PAPPA2: variants seen among roughly 807,000 people sequenced by gnomAD.
PAPPA2 encodes pappalysin 2.
Under a neutral mutation model 176.4 loss-of-function variants are expected in PAPPA2, and 86 were observed. The observed-to-expected ratio is 0.49, with a 90% CI of 0.41 to 0.58. The LOEUF is 0.58. Ranked by LOEUF, PAPPA2 falls within the 20% of genes least tolerant of loss-of-function variation. PAPPA2 has a pLI of 0.00. For missense variants in PAPPA2, 2,073 were observed against 2,256.9 expected, an observed-to-expected ratio of 0.92 and a Z score of 1.65; for synonymous variants, 809 against 852.2, an observed-to-expected ratio of 0.95 and a Z score of 0.88.
chr1:176,775,865 T>C (rs1465010353), intron 17 of PAPPA2, among the ~76,000 whole-genome samples: 1 of 152,202 alleles, frequency 6.6e-6, no homozygotes, highest in Non-Finnish European at 1.5e-5. Flanking sequence ...AAAATTTTTG[T>C]AGCAACACTT....
chr1:176,604,852 G>A (rs928895824), intron 3 of PAPPA2, among the ~76,000 whole-genome samples: 2 of 152,176 alleles, frequency 1.3e-5, no homozygotes, highest in South Asian at 2.1e-4. Flanking sequence ...ACAATGTAGG[G>A]CAAGGGTTTT....
intron 4 of PAPPA2, among the ~76,000 whole-genome samples, chr1:176,680,476 CTT>C (rs1207648703): frequency 6.6e-6 from 1 of 152,120 alleles, no homozygotes; most frequent in Non-Finnish European, 1.5e-5. Context: ...TTAAACTAGA[CTT>C]TTTATTTTGA....
chr1:176,787,327 C>T (rs1240197186), intron 17 of PAPPA2, among the ~76,000 whole-genome samples: 1 of 151,990 alleles, frequency 6.6e-6, no homozygotes, highest in Non-Finnish European at 1.5e-5. Flanking sequence ...CTCAACTTCC[C>T]AGGCTCAAGC....
intron 20 of PAPPA2, among the ~76,000 whole-genome samples, chr1:176,799,444 A>G (rs1481842388): frequency 6.6e-6 from 1 of 152,158 alleles, no homozygotes; most frequent in Non-Finnish European, 1.5e-5. Context: ...TTTGAGTAGC[A>G]GTGATTTCAC....
At chr1:176,724,716 A>G (rs932216163) in intron 12 of PAPPA2, among the ~76,000 whole-genome samples, 2 of 152,194 alleles carry the variant, frequency 1.3e-5, no homozygotes, top group African/African-American at 4.8e-5. Flanking sequence ...TGAATCTTCA[A>G]CAGAAAACGC....
intron 21 of PAPPA2, among the ~76,000 whole-genome samples, chr1:176,815,630 C>A (rs144658302): frequency 6.6e-6 from 1 of 152,200 alleles, no homozygotes; most frequent in Non-Finnish European, 1.5e-5. Context: ...CATGACACAG[C>A]CTCAGGAGGT....
At chr1:176,757,268 T>A (rs958180139) in intron 14 of PAPPA2, among the ~76,000 whole-genome samples, 3 of 152,204 alleles carry the variant, frequency 2.0e-5, no homozygotes, top group African/African-American at 7.2e-5. Flanking sequence ...TCTAGATCCT[T>A]GAGGAATCAT....
At chr1:176,791,138 GTCA>G (rs1272836257) in intron 18 of PAPPA2, among the ~76,000 whole-genome samples, 2 of 127,206 alleles carry the variant, frequency 1.6e-5, no homozygotes, top group African/African-American at 6.2e-5. Flanking sequence ...GAAAAAAATT[GTCA>G]TCATGATTCC....
At chr1:176,497,382 A>G (rs1350975579) in intron 1 of PAPPA2, among the ~76,000 whole-genome samples, 1 of 152,196 alleles carries the variant, frequency 6.6e-6, no homozygotes, top group African/African-American at 2.4e-5. Context: ...CAAGGCATCT[A>G]CTACATCATT....
At chr1:176,469,555 G>A (rs1181097379) in intron 1 of PAPPA2, among the ~76,000 whole-genome samples, 2 of 152,168 alleles carry the variant, frequency 1.3e-5, no homozygotes, top group African/African-American at 4.8e-5. Flanking sequence ...AGAATTAAGT[G>A]AGCAGTTGCA....
chr1:176,505,867 A>G (rs1192762842), intron 1 of PAPPA2, among the ~76,000 whole-genome samples: 1 of 152,100 alleles, frequency 6.6e-6, no homozygotes, highest in African/African-American at 2.4e-5. Flanking sequence ...ATACTTGAAC[A>G]TGCATGCAAA....
intron 1 of PAPPA2, among the ~76,000 whole-genome samples, chr1:176,484,855 A>G (rs1254549739): frequency 6.6e-6 from 1 of 152,156 alleles, no homozygotes; most frequent in Non-Finnish European, 1.5e-5. Flanking sequence ...TGTGGTTTTT[A>G]TTCCTGATCT....
intron 12 of PAPPA2, among the ~76,000 whole-genome samples, chr1:176,734,688 G>A (rs542498949): frequency 6.1e-4 from 93 of 152,064 alleles, no homozygotes; most frequent in African/African-American, 2.1e-3. Flanking sequence ...ACTCTTCCTC[G>A]ACAAAATTTC....
In PAPPA2 at chr1:176,594,949, G is replaced by C. The variant is rs765981801; in HGVS notation, c.1345G>C (p.Glu449Gln). The C allele has an allele frequency of 2.5e-6, 4 of 1,614,112 alleles. No individual in the cohort carries two copies. The highest frequency in any genetic ancestry group is 3.4e-6 in the Non-Finnish European group (4 of 1,180,060). The change falls in exon 3 of 23, where the codon GAG becomes CAG. Residue 449 changes from glutamate (E) to glutamine (Q), a missense_variant. This residue lies in a region of PAPPA2 where 1,196 missense variants were observed against 1,330.4 expected (regional missense o/e 0.90). Transcript: ENST00000367662. ...CAGTTCTCAGCATTCAAGTGGGGAG[G>C]AGGAAGCGACTGACTTGGTCCTGAC... is the stretch of plus-strand genomic sequence containing the variant. ...QHSSQHSSGEEEATDLVLTAS... is the reference protein window; with the variant it reads ...QHSSQHSSGEQEATDLVLTAS...
At chr1:176,643,919 C>A (rs1657243009) in intron 3 of PAPPA2, among the ~76,000 whole-genome samples, 1 of 151,760 alleles carries the variant, frequency 6.6e-6, no homozygotes, top group South Asian at 2.1e-4. Context: ...TCTTTCTAGG[C>A]ACCAACTCTT....
chr1:176,602,055 G>C lies in PAPPA2; in HGVS notation c.1991+6460G>C, dbSNP rs143041544. Among the ~76,000 whole-genome samples, 10 of 152,274 alleles carry C rather than the reference G, an allele frequency of 6.6e-5. 1 individual carries two copies. Among genetic ancestry groups the C allele is most frequent in the Admixed American group, 1.3e-4 (2 of 15,298 alleles). ...AGTCTCCAAATAAAAACAAATGGTT[G>C]AACAAGGCATCAATCATCTAGTGTC... On this transcript the variant is annotated intron_variant, in intron 3 of 22. Coordinates refer to ENST00000367662, the MANE Select transcript of PAPPA2 (RefSeq NM_020318.3).
intron 2 of PAPPA2, among the ~76,000 whole-genome samples, chr1:176,589,786 C>G (rs1310739815): frequency 2.0e-5 from 3 of 152,214 alleles, no homozygotes; most frequent in African/African-American, 4.8e-5. Context: ...CAATGTTGCA[C>G]AAACTCAAGA....
intron 20 of PAPPA2, among the ~76,000 whole-genome samples, chr1:176,796,652 CT>C (rs978561398): frequency 6.9e-6 from 1 of 143,912 alleles, no homozygotes; most frequent in Non-Finnish European, 1.5e-5. Flanking sequence ...TCTTTTCTTT[CT>C]TTTTCTTTCT....
rs1314082148 is a variant in PAPPA2 at position 176,765,810 on chromosome 1, C to T, written c.4296C>T (p.Ser1432=). Residue 1432 remains serine (S), a synonymous_variant, in exon 15 of 23, where the codon AGC becomes AGT. Transcript: ENST00000367662. The part of the protein sequence containing the change: ...TCQRGFALQA[S]SGQYIRPMQK... ...AAAGGGGATTTGCCCTTCAGGCCAG[C>T]AGTGGGCAGTACATCAGGCCCATGC... The T allele has an allele frequency of 6.2e-7, 1 of 1,614,084 alleles. No individual in the cohort carries two copies. Among genetic ancestry groups the T allele is most frequent in the Non-Finnish European group, 8.5e-7 (1 of 1,179,990 alleles).
Sources: allele counts gnomAD v4.1 joint callset (sites outside exome capture counted in the v4.1 genomes callset), GRCh38; gene constraint gnomAD v4.1.1; regional missense constraint gnomAD v4.1.1; transcripts MANE v1.5; gene names NCBI Gene and HGNC (gene_info 2026-07-23, HGNC 2026-07-21).